The following WDR76 variants were observed in gnomAD, a reference collection of about 807,000 sequenced individuals.
WDR76 encodes the protein WD repeat-containing protein 76.
Under a neutral mutation model 70.2 loss-of-function variants are expected in WDR76, and 52 were observed. That is an observed-to-expected ratio of 0.74 (90% CI 0.59 to 0.93). The LOEUF (loss-of-function observed/expected upper bound fraction) is 0.93. WDR76 is among the 40% of genes least tolerant of loss of function. The pLI, the probability that WDR76 is intolerant of heterozygous loss-of-function variation, is 0.00. For missense variants in WDR76, 756 were observed against 760.2 expected (o/e 0.99, Z 0.07); for synonymous variants, 292 against 271.1 (o/e 1.08, Z -0.76).
chr15:43,848,808 T>G (rs1436249251), intron 8 of WDR76, among the ~76,000 whole-genome samples: 3 of 152,060 alleles, frequency 2.0e-5, no homozygotes, highest in African/African-American at 7.2e-5. Context: ...TATGGTGATG[T>G]GCACCTGTAA....
Position 43,836,213 on chromosome 15 carries a change from A to G in WDR76, c.605A>G (p.Lys202Arg). 6.2e-7 allele frequency: 1 copy of G among 1,609,788 alleles called. No individual in the cohort carries two copies. The highest frequency in any genetic ancestry group is 8.5e-7 in the Non-Finnish European group (1 of 1,178,154). Residue 202 changes from lysine (K) to arginine (R), a missense_variant, in exon 4 of 13, where the codon AAA (lysine) becomes AGA (arginine). Coordinates refer to ENST00000263795, the MANE Select transcript of WDR76 (RefSeq NM_024908.4). ...GAGAAGAGACAGCCTCCTAAATCCA[A>G]AAGGTAAAATATCTAGTTTGCAATG... ...MIEKRQPPKSKRKKPKRENGI... is the reference protein window; with the variant it reads ...MIEKRQPPKSRRKKPKRENGI...
intron 2 of WDR76, among the ~76,000 whole-genome samples, chr15:43,832,770 T>TTG (rs60391268): frequency 1.1e-4 from 14 of 130,346 alleles, no homozygotes; most frequent in South Asian, 7.3e-4. Context: ...TTTTTTTTTT[T>TTG]GAGACAGTCT....
chr15:43,842,267 C>T (rs1484522667), intron 5 of WDR76, 148 bp from the exon 6 acceptor site: 2 of 636,802 alleles, frequency 3.1e-6, no homozygotes, highest in Non-Finnish European at 5.5e-6. Context: ...ATTTATTGAA[C>T]AATTATTTTG....
chr15:43,865,624 G>A (rs564800313), intron 12 of WDR76, among the ~76,000 whole-genome samples: 6 of 151,982 alleles, frequency 3.9e-5, no homozygotes, highest in African/African-American at 1.2e-4. Flanking sequence ...GGCTGGTCTC[G>A]AACTCCTGAC....
intron 9 of WDR76, 131 bp downstream of exon 9, chr15:43,851,376 G>T (rs1179781470): frequency 8.0e-7 from 1 of 1,252,612 alleles, no homozygotes; most frequent in Non-Finnish European, 1.1e-6. Context: ...CGCTGCCTAA[G>T]TTCAAATCCC....
At chr15:43,855,804 G>A (rs1348128818) in intron 9 of WDR76, among the ~76,000 whole-genome samples, 3 of 151,228 alleles carry the variant, frequency 2.0e-5, no homozygotes, top group African/African-American at 4.9e-5. Context: ...AGCCGAGATC[G>A]TGCCACTGTA....
chr15:43,852,268 C>T (rs2087869079), intron 9 of WDR76, among the ~76,000 whole-genome samples: 2 of 152,122 alleles, frequency 1.3e-5, no homozygotes, highest in Non-Finnish European at 1.5e-5. Context: ...ACTGCAACTT[C>T]TGCCTCCCAG....
chr15:43,842,925 T>C (rs1443902301), intron 7 of WDR76, among the ~76,000 whole-genome samples: 1 of 152,122 alleles, frequency 6.6e-6, no homozygotes, highest in Non-Finnish European at 1.5e-5. Context: ...TAATATATGT[T>C]CAGTGTTGAA....
Position 43,857,074 on chromosome 15 carries a change from T to A in WDR76, c.1320T>A (p.Tyr440Ter), listed in dbSNP as rs1442997588. 4 of 1,614,010 alleles carry A rather than the reference T, an allele frequency of 2.5e-6. No homozygotes were observed. In the Admixed American group the frequency reaches 6.7e-5, roughly 27 times the overall value. Residue 440 changes from tyrosine to a stop codon, truncating the protein, a stop_gained, in exon 10 of 13, where the codon TAT (tyrosine) becomes TAA (stop). Transcript: ENST00000263795. LOFTEE classifies it high-confidence loss of function. ...LVDRRTPGTS[Y>*]EKLTSSSMGK... ...ATAGACGGACACCTGGAACTTCTTA[T>A]GAGAAACTTACCAGTTCTTCTATGG... is the stretch of plus-strand genomic sequence containing the variant.
intron 11 of WDR76, 49 bp from the exon 12 acceptor site, chr15:43,861,284 A>G (rs759124824): frequency 2.0e-6 from 3 of 1,463,418 alleles, no homozygotes; most frequent in Non-Finnish European, 2.9e-6. Flanking sequence ...TATTTATTTC[A>G]GAAAGTTTTT....
At chr15:43,865,013 C>G (rs771249026) in intron 12 of WDR76, among the ~76,000 whole-genome samples, 1 of 152,234 alleles carries the variant, frequency 6.6e-6, no homozygotes, top group African/African-American at 2.4e-5. Context: ...CAACCTCCAC[C>G]TCCCGGGTTC....
In WDR76 at chr15:43,843,994, A is replaced by G. The variant is rs2140303406; in HGVS notation, c.972A>G (p.Ser324=). The change falls in exon 8 of 13, where the codon TCA becomes TCG. Residue 324 remains serine, a synonymous_variant. Coordinates refer to ENST00000263795, the MANE Select transcript of WDR76 (RefSeq NM_024908.4). ...GPIFSMALHP[S]ETRTLVAVGA... is the part of the protein sequence containing the mutation. ...TATTCTCTATGGCTCTCCATCCATC[A>G]GAAACTAGAACTTTGGTAGCAGTTG... 1 of 1,614,044 alleles carries G rather than the reference A, an allele frequency of 6.2e-7. No individual in the cohort carries two copies. Among genetic ancestry groups the G allele is most frequent in the Admixed American group, 1.7e-5 (1 of 59,998 alleles).
At chr15:43,854,188 C>T (rs375447363) in intron 9 of WDR76, among the ~76,000 whole-genome samples, 2 of 152,086 alleles carry the variant, frequency 1.3e-5, no homozygotes, top group Admixed American at 6.6e-5. Flanking sequence ...TAGCAATATC[C>T]CTCCTAGGTA....
chr15:43,842,600 A>C (rs1483112684), intron 6 of WDR76, 28 bp from the exon 7 acceptor site: 1 of 1,605,062 alleles, frequency 6.2e-7, no homozygotes, highest in African/African-American at 1.3e-5. Context: ...ATACTAACTT[A>C]GTTCTTTCAT....
Position 43,867,838 on chromosome 15 carries a change from C to A in WDR76, c.*1446C>A, listed in dbSNP as rs2088092956. On this transcript the variant is annotated 3_prime_UTR_variant, in exon 13 of 13. Coordinates refer to ENST00000263795, the MANE Select transcript of WDR76 (RefSeq NM_024908.4). ...GTTGTTGGGAGGGGAGCTGCCAAATCAGTTACTAATATTACTGTGTGACAT... is the reference window on the plus strand; with the variant it reads ...GTTGTTGGGAGGGGAGCTGCCAAATAAGTTACTAATATTACTGTGTGACAT... 1 of 152,128 alleles carries A rather than the reference C, an allele frequency of 6.6e-6. No individual in the cohort carries two copies. Among genetic ancestry groups the A allele is most frequent in the Non-Finnish European group, 1.5e-5 (1 of 68,012 alleles). 9.4% of individuals were successfully genotyped at this position (152,128 alleles called of 1,614,324 possible).
rs921303651 is a variant in WDR76 at position 43,867,730 on chromosome 15, G to T, written c.*1338G>T. 8 of 152,108 alleles carry T rather than the reference G, an allele frequency of 5.3e-5. No homozygotes were observed. The highest frequency in any genetic ancestry group is 5.2e-4 in the Admixed American group (8 of 15,276). The allele number at this position is 152,108 out of a possible 1,614,324, so 9.4% of individuals were successfully genotyped here. A position where few individuals can be genotyped will look rare whatever the true frequency, so the allele number is the denominator to read the frequency against. On this transcript the variant is annotated 3_prime_UTR_variant, in exon 13 of 13. Coordinates refer to ENST00000263795, the MANE Select transcript of WDR76 (RefSeq NM_024908.4). ...TACCTTCATTCTTACTTGTATTTGGGGGAATATTATGAAATACTCACCACT... is the reference window on the plus strand; with the variant it reads ...TACCTTCATTCTTACTTGTATTTGGTGGAATATTATGAAATACTCACCACT...
intron 4 of WDR76, among the ~76,000 whole-genome samples, chr15:43,836,685 C>T (rs1307560743): frequency 2.0e-5 from 3 of 152,076 alleles, no homozygotes; most frequent in Non-Finnish European, 4.4e-5. Flanking sequence ...CTGACAACCA[C>T]TGCATGTGGT....
At chr15:43,858,872 G>C (rs2087963432) in intron 11 of WDR76, 49 bp downstream of exon 11, 1 of 1,582,802 alleles carries the variant, frequency 6.3e-7, no homozygotes, top group Admixed American at 1.9e-5. Flanking sequence ...AGAGTCTATA[G>C]CTACTGTGTC....
rs148900361 is a variant in WDR76 at position 43,842,459 on chromosome 15, A to G, written c.777A>G (p.Gln259=). The G allele has an allele frequency of 3.0e-5, 48 of 1,614,034 alleles. No individual in the cohort carries two copies. In the African/African-American group the frequency reaches 6.0e-4, roughly 20 times the overall value. Residue 259 remains glutamine (Q), a synonymous_variant, in exon 6 of 13, where the codon CAA becomes CAG. Coordinates refer to ENST00000263795, the MANE Select transcript of WDR76 (RefSeq NM_024908.4). ...PGPLEMTSEN[Q]EDNNERFKGF... Reference sequence around the variant, plus strand: ...CTTTAGAAATGACTTCTGAAAATCAAGAAGACAACAATGAACGATTTAAAG... The same window carrying G: ...CTTTAGAAATGACTTCTGAAAATCAGGAAGACAACAATGAACGATTTAAAG...
Sources: gnomAD v4.1 joint callset for allele counts (sites outside exome capture counted in the v4.1 genomes callset) on GRCh38, gnomAD v4.1.1 for gene constraint, MANE v1.5 for transcripts, NCBI Gene and HGNC (gene_info 2026-07-23, HGNC 2026-07-21) for gene names.